The following CLNK variants were observed in gnomAD, a reference collection of about 807,000 sequenced individuals.
The protein encoded by CLNK is cytokine-dependent hematopoietic cell linker.
A neutral mutation model predicts 68.6 loss-of-function variants in CLNK; 74 were observed. The ratio of observed to expected loss-of-function variants is 1.08; its 90% confidence interval spans 0.89 to 1.31. The LOEUF (loss-of-function observed/expected upper bound fraction) is 1.31. Among genes scored for constraint, CLNK ranks in the 50% most tolerant of loss-of-function variants. The pLI is 0.00. For synonymous variants in CLNK, 198 were observed against 172.2 expected, an observed-to-expected ratio of 1.15 and a Z score of -1.17; for missense variants, 553 against 515.3, an observed-to-expected ratio of 1.07 and a Z score of -0.71.
chr4:10,528,467 T>C (rs1430604383), intron 12 of CLNK, among the ~76,000 whole-genome samples: 1 of 152,226 alleles, frequency 6.6e-6, no homozygotes, highest in African/African-American at 2.4e-5. Context: ...CCAAGTTCTA[T>C]GCACAAAGAT....
At chr4:10,536,705 A>G (rs539914156) in intron 11 of CLNK, among the ~76,000 whole-genome samples, 4 of 152,254 alleles carry the variant, frequency 2.6e-5, no homozygotes, top group African/African-American at 9.6e-5. Context: ...AAAATTCAAT[A>G]AGAGAAAATA....
intron 11 of CLNK, 149 bp downstream of exon 11, chr4:10,540,345 C>T (rs768238261): frequency 1.2e-5 from 7 of 579,976 alleles, no homozygotes; most frequent in Non-Finnish European, 2.2e-5. Flanking sequence ...ATAAATTACC[C>T]AGTCTTGGTT....
rs1214783568 is a variant in CLNK, at chr4:10,513,566, A to G, written c.804T>C (p.Pro268=). ...AGCTGGCTGGAGGCTGGCATCTCTG[A>G]GGAGAACAGGGCTGCATGCCTCCTC... ...DHRGGMQPCS[P]QRCQPPASCS... is the part of the protein sequence containing the mutation. Residue 268 remains proline, a synonymous_variant, in exon 16 of 19, where the codon CCT becomes CCC. Transcript: ENST00000226951. The G allele has an allele frequency of 6.2e-7, 1 of 1,607,168 alleles. No individual in the cohort carries two copies. Among genetic ancestry groups the G allele is most frequent in the East Asian group, 2.2e-5 (1 of 44,748 alleles).
chr4:10,703,658 A>G, the CLNK span, among the ~76,000 whole-genome samples: 1 of 152,366 alleles, frequency 6.6e-6, no homozygotes, highest in East Asian at 1.9e-4. Context: ...TGCAAACATC[A>G]TGAAGTTTAC....
chr4:10,588,564 A>C (rs1721069293), intron 3 of CLNK, among the ~76,000 whole-genome samples: 1 of 152,026 alleles, frequency 6.6e-6, no homozygotes, highest in Non-Finnish European at 1.5e-5. Context: ...GATAGGTTCA[A>C]CTCTGGCTGG....
intron 8 of CLNK, among the ~76,000 whole-genome samples, chr4:10,544,681 A>G (rs769678390): frequency 5.3e-5 from 8 of 152,170 alleles, no homozygotes; most frequent in Non-Finnish European, 1.0e-4. Flanking sequence ...GGAAACAGCA[A>G]GGGCAAAAGT....
chr4:10,714,012 T>C, the CLNK span, among the ~76,000 whole-genome samples: 5 of 152,328 alleles, frequency 3.3e-5, no homozygotes, highest in South Asian at 1.0e-3. Flanking sequence ...AGAATCTTCC[T>C]GTCATTCTCT....
At chr4:10,509,510 G>A (rs1001676639) in intron 16 of CLNK, among the ~76,000 whole-genome samples, 6 of 148,122 alleles carry the variant, frequency 4.1e-5, no homozygotes, top group Non-Finnish European at 3.0e-5. Context: ...ATCAAGATTG[G>A]GACCAAAAGT....
At chr4:10,553,492 C>T (rs971777296) in intron 8 of CLNK, among the ~76,000 whole-genome samples, 4 of 151,898 alleles carry the variant, frequency 2.6e-5, no homozygotes, top group African/African-American at 9.7e-5. Flanking sequence ...TGCTCTGTCA[C>T]CCAGGCTGGA....
At chr4:10,523,950 G>A (rs758191461) in intron 14 of CLNK, 97 of 389,674 alleles carry the variant, frequency 2.5e-4, no homozygotes, top group African/African-American at 1.3e-3. Context: ...ACTTGAGCCC[G>A]GGAGGTCAAG....
At position 10,542,379 on chromosome 4, in the gene CLNK, A is replaced by G. The variant is rs551845958; in HGVS notation, c.446-99T>C. 1.9e-4 allele frequency: 152 copies of G among 795,330 alleles called. No homozygotes were observed. The African/African-American group carries it at 2.3e-3, about 12-fold the overall frequency. The allele number at this position is 795,330 out of a possible 1,614,324, so 49.3% of individuals were successfully genotyped here. ...GAAAATCATTTTTATTTGTAATAAT[A>G]TTGGTGATAACGTCAGTTAATATTT... is the stretch of plus-strand genomic sequence containing the variant. On this transcript the variant is annotated intron_variant, in intron 8 of 18. Coordinates refer to ENST00000226951, the MANE Select transcript of CLNK (RefSeq NM_052964.4).
At chr4:10,678,661 A>C (rs1215406122) in intron 1 of CLNK, among the ~76,000 whole-genome samples, 1 of 152,208 alleles carries the variant, frequency 6.6e-6, no homozygotes, top group Non-Finnish European at 1.5e-5. Context: ...TTAAGCTGAT[A>C]GGCAACTTCA....
chr4:10,584,989 A>G (rs766475746), intron 3 of CLNK, 34 bp from the exon 4 acceptor site: 25 of 1,611,990 alleles, frequency 1.6e-5, no homozygotes, highest in Non-Finnish European at 2.0e-5. Flanking sequence ...TTAAATGTCC[A>G]TTGCTCCACC....
In CLNK at chr4:10,657,179, G is replaced by A. The variant is rs540910671; in HGVS notation, c.11+10680C>T. 3.3e-5 allele frequency among the ~76,000 whole-genome samples: 5 copies of A among 152,262 alleles called. No individual in the cohort carries two copies. In the Middle Eastern group the frequency reaches 0.017, roughly 518 times the overall value. Reference sequence around the variant, plus strand: ...CAGTTATCAAAACTCGGCAGTCTGGGTGCAAGATAAAATCTGTAACATGAT... The same window carrying A: ...CAGTTATCAAAACTCGGCAGTCTGGATGCAAGATAAAATCTGTAACATGAT... On this transcript the variant is annotated intron_variant, in intron 2 of 18. Transcript: ENST00000226951.
At chr4:10,617,688 C>T (rs886216713) in intron 2 of CLNK, among the ~76,000 whole-genome samples, 5 of 152,204 alleles carry the variant, frequency 3.3e-5, no homozygotes, top group Non-Finnish European at 5.9e-5. Context: ...TTCAGTATCT[C>T]TACTGTTATT....
intron 4 of CLNK, among the ~76,000 whole-genome samples, chr4:10,574,342 G>T (rs891637981): frequency 6.6e-6 from 1 of 152,102 alleles, no homozygotes; most frequent in African/African-American, 2.4e-5. Flanking sequence ...CTACCTTGTG[G>T]GATTCCATAT....
intron 2 of CLNK, among the ~76,000 whole-genome samples, chr4:10,614,153 T>C (rs1021393665): frequency 1.3e-5 from 2 of 152,230 alleles, no homozygotes; most frequent in South Asian, 2.1e-4. Context: ...ATGTAGTGAT[T>C]AAATTCTCCT....
At chr4:10,549,761 G>T (rs1719374018) in intron 8 of CLNK, among the ~76,000 whole-genome samples, 1 of 152,208 alleles carries the variant, frequency 6.6e-6, no homozygotes, top group Non-Finnish European at 1.5e-5. Flanking sequence ...AAAGTTCTCT[G>T]TCAAACAAGA....
chr4:10,708,743 A>G, the CLNK span, among the ~76,000 whole-genome samples: 2 of 152,206 alleles, frequency 1.3e-5, no homozygotes, highest in Non-Finnish European at 2.9e-5. Flanking sequence ...CCTGGAGTGG[A>G]TAAAGCAGAA....
Sources: allele counts gnomAD v4.1 joint callset (sites outside exome capture counted in the v4.1 genomes callset), GRCh38; gene constraint gnomAD v4.1.1; transcripts MANE v1.5; gene names NCBI Gene and HGNC (gene_info 2026-07-23, HGNC 2026-07-21).